The following PCDHGB4 variants were observed in gnomAD, a reference collection of about 807,000 sequenced individuals.
The protein encoded by PCDHGB4 is protocadherin gamma-B4.
PCDHGB4 carries 38 observed loss-of-function variants against 60.5 expected under a neutral mutation model. The observed-to-expected ratio is 0.63, with a 90% CI of 0.48 to 0.82. The LOEUF (loss-of-function observed/expected upper bound fraction) is 0.82, where lower values mean the gene tolerates loss of function less well. Among genes scored for constraint, PCDHGB4 ranks in the 40% least tolerant of loss-of-function variants. PCDHGB4 has a pLI of 0.00. For missense variants in PCDHGB4, 1,109 were observed against 1,209.6 expected, an observed-to-expected ratio of 0.92 and a Z score of 1.23; for synonymous variants, 456 against 509.7, an observed-to-expected ratio of 0.89 and a Z score of 1.42.
intron 1 of PCDHGB4, chr5:141,471,227 T>C (rs2099253010): frequency 6.6e-6 from 1 of 151,604 alleles, no homozygotes; most frequent in Admixed American, 6.6e-5. Flanking sequence ...TTTTTTGTAT[T>C]TTTAGTAGAG....
intron 1 of PCDHGB4, among the ~76,000 whole-genome samples, chr5:141,401,205 G>C (rs1479820661): frequency 6.6e-6 from 1 of 152,118 alleles, no homozygotes; most frequent in African/African-American, 2.4e-5. Context: ...AGCTGGGTGT[G>C]GTGGCGGGCG....
intron 1 of PCDHGB4, among the ~76,000 whole-genome samples, chr5:141,467,758 C>CTCAA (rs933308513): frequency 6.6e-5 from 10 of 152,018 alleles, no homozygotes; most frequent in Admixed American, 5.9e-4. Flanking sequence ...GCCTCACATG[C>CTCAA]TCAAGTGCCC....
At chr5:141,436,327 C>T (rs1384222077) in intron 1 of PCDHGB4, among the ~76,000 whole-genome samples, 1 of 152,098 alleles carries the variant, frequency 6.6e-6, no homozygotes, top group Admixed American at 6.5e-5. Flanking sequence ...ACTGTTAGAC[C>T]ATATCTCAAA....
intron 1 of PCDHGB4, chr5:141,408,637 T>C (rs766685548): frequency 4.3e-6 from 7 of 1,614,044 alleles, no homozygotes; most frequent in Non-Finnish European, 5.9e-6. Context: ...TTTTCGAATC[T>C]GCATCCGCTG....
intron 1 of PCDHGB4, among the ~76,000 whole-genome samples, chr5:141,470,877 T>C (rs1438812002): frequency 1.3e-5 from 2 of 151,808 alleles, no homozygotes; most frequent in Non-Finnish European, 2.9e-5. Context: ...TTTGTTTTTT[T>C]GTTTTTGTTT....
chr5:141,410,785 G>T, intron 1 of PCDHGB4: 1 of 804,598 alleles, frequency 1.2e-6, no homozygotes, highest in Non-Finnish European at 1.8e-6. Context: ...TATGTATTTG[G>T]TTCATAAGTT....
At chr5:141,405,543 C>T (rs1027086926) in intron 1 of PCDHGB4, 27 of 634,834 alleles carry the variant, frequency 4.3e-5, no homozygotes, top group Non-Finnish European at 7.1e-5. Flanking sequence ...CCTCAGCCTC[C>T]CAAGTAGAGT....
chr5:141,428,154 T>C, intron 1 of PCDHGB4: 2 of 1,578,924 alleles, frequency 1.3e-6, no homozygotes, highest in Non-Finnish European at 1.7e-6. Flanking sequence ...CACGGGAACC[T>C]GCTGGTTGCT....
intron 1 of PCDHGB4, among the ~76,000 whole-genome samples, chr5:141,494,177 TG>T (rs2099752471): frequency 6.6e-6 from 1 of 152,176 alleles, no homozygotes; most frequent in Non-Finnish European, 1.5e-5. Flanking sequence ...GGGTGAGAAG[TG>T]TCCCGGGACT....
intron 1 of PCDHGB4, among the ~76,000 whole-genome samples, chr5:141,461,983 C>T (rs1390320490): frequency 6.6e-6 from 1 of 152,192 alleles, no homozygotes. Flanking sequence ...GCCACCACGC[C>T]AGGCTAATTT....
chr5:141,483,870 G>C (rs548525439), intron 1 of PCDHGB4, among the ~76,000 whole-genome samples: 9 of 152,142 alleles, frequency 5.9e-5, no homozygotes, highest in Non-Finnish European at 1.3e-4. Context: ...TCCAGATCAG[G>C]ATGGATTTTT....
chr5:141,440,578 C>T (rs2098188646), intron 1 of PCDHGB4: 1 of 152,138 alleles, frequency 6.6e-6, no homozygotes, highest in Non-Finnish European at 1.5e-5. Flanking sequence ...CTGAGTTTAC[C>T]CAGCTGGAAC....
intron 3 of PCDHGB4, among the ~76,000 whole-genome samples, chr5:141,510,272 TAAAAAA>T (rs546154379): frequency 7.7e-6 from 1 of 130,390 alleles, no homozygotes; most frequent in Non-Finnish European, 1.6e-5. Context: ...GACTCCATCT[TAAAAAA>T]AAAAAAAAAA....
Position 141,461,919 on chromosome 5 carries a change from G to T in PCDHGB4, c.2398-32888G>T, listed in dbSNP as rs10060711. On this transcript the variant is annotated intron_variant, in intron 1 of 3. Transcript: ENST00000519479. Reference sequence around the variant, plus strand: ...GCTCACTGCAACCTCTGCCTCCTGGGTTCCAGCAATTCTCCTGCCTCAACC... The same window carrying T: ...GCTCACTGCAACCTCTGCCTCCTGGTTTCCAGCAATTCTCCTGCCTCAACC... 5.4e-3 allele frequency among the ~76,000 whole-genome samples: 815 copies of T among 152,214 alleles called. 11 individuals are homozygous for T. Among genetic ancestry groups the T allele is most frequent in the African/African-American group, 0.019 (780 of 41,542 alleles).
At position 141,450,006 on chromosome 5, in the gene PCDHGB4, C is replaced by CTAT. The variant is rs70988802; in HGVS notation, c.2398-44800_2398-44799insATT. ...CACATTGCATTTAGTTGCCATGTCT[C>CTAT]TTTTTTTTTTTTTTTTTTGAGACAG... On this transcript the variant is annotated intron_variant, in intron 1 of 3. Transcript: ENST00000519479. Among the ~76,000 whole-genome samples the CTAT allele has an allele frequency of 2.5e-4, 33 of 132,964 alleles. 6 individuals are homozygous for CTAT. Among genetic ancestry groups the CTAT allele is most frequent in the Non-Finnish European group, 2.9e-4 (18 of 62,916 alleles). The allele number at this position is 132,964 out of a possible 152,430, so 87.2% of individuals were successfully genotyped here. A position where few individuals can be genotyped will look rare whatever the true frequency, so the allele number is the denominator to read the frequency against.
In PCDHGB4 at chr5:141,477,143, G is replaced by T; in HGVS notation, c.2398-17664G>T. On this transcript the variant is annotated intron_variant, in intron 1 of 3. Transcript: ENST00000519479. The surrounding 1 kb of genome is among the most constrained non-coding windows in gnomAD (Gnocchi z 4.9). The stretch of plus-strand genomic sequence containing the variant: ...ACATTGCAAAGTGTTGGTGGAGGTT[G>T]TGGATGTGAATGACAACGCCCCGGA... The T allele has an allele frequency of 6.2e-7, 1 of 1,614,198 alleles. No homozygotes were observed. The highest frequency in any genetic ancestry group is 8.5e-7 in the Non-Finnish European group (1 of 1,180,036).
rs956263164 is a variant in PCDHGB4 at position 141,511,304 on chromosome 5, C to G, written c.*131C>G. The G allele has an allele frequency of 3.3e-5, 49 of 1,490,320 alleles. No homozygotes were observed. The highest frequency in any genetic ancestry group is 4.2e-5 in the African/African-American group (3 of 71,286). The allele number at this position is 1,490,320 out of a possible 1,614,324, so 92.3% of individuals were successfully genotyped here. ...TGGTAGGGGCCAAGGCCATGCTCCC[C>G]TTGGGAAACAGAAACAAGTGCCCAG... On this transcript the variant is annotated 3_prime_UTR_variant, in exon 4 of 4. Coordinates refer to ENST00000519479, the MANE Select transcript of PCDHGB4 (RefSeq NM_003736.4).
At chr5:141,448,216 G>A (rs766377717) in intron 1 of PCDHGB4, among the ~76,000 whole-genome samples, 41 of 152,046 alleles carry the variant, frequency 2.7e-4, no homozygotes, top group African/African-American at 1.7e-4. Context: ...GTGTGTATGC[G>A]AATGTATGTG....
intron 1 of PCDHGB4, among the ~76,000 whole-genome samples, chr5:141,474,163 T>A (rs958292802): frequency 2.0e-5 from 3 of 152,178 alleles, no homozygotes; most frequent in Non-Finnish European, 2.9e-5. Flanking sequence ...ATGACAGGCC[T>A]TATTATTGAG....
Sources: allele counts gnomAD v4.1 joint callset (sites outside exome capture counted in the v4.1 genomes callset), GRCh38; gene constraint gnomAD v4.1.1; non-coding constraint Gnocchi (gnomAD v3.1); transcripts MANE v1.5; gene names NCBI Gene and HGNC (gene_info 2026-07-23, HGNC 2026-07-21).